Variants in ANK2 observed in about 807,000 individuals in gnomAD.
The protein encoded by ANK2 is ankyrin-2.
ANK2 carries 83 observed loss-of-function variants against 360.5 expected under a neutral mutation model. The observed-to-expected ratio is 0.23, with a 90% confidence interval of 0.19 to 0.28. The LOEUF (loss-of-function observed/expected upper bound fraction) is 0.28. Ranked by LOEUF, ANK2 falls within the 10% of genes least tolerant of loss-of-function variation. ANK2 has a pLI of 1.00. For missense variants in ANK2, 4,201 were observed against 4,795.7 expected (o/e 0.88, Z 3.66); for synonymous variants, 1,740 against 1,759.5 (o/e 0.99, Z 0.28).
At chr4:113,151,777 G>A (rs1480619465) in intron 1 of ANK2, among the ~76,000 whole-genome samples, 1 of 151,842 alleles carries the variant, frequency 6.6e-6, no homozygotes, top group Non-Finnish European at 1.5e-5. Flanking sequence ...GAAATTTGGT[G>A]AAGGTAGGCT....
chr4:113,308,568 A>G (rs1229169944), intron 23 of ANK2, among the ~76,000 whole-genome samples: 1 of 152,218 alleles, frequency 6.6e-6, no homozygotes, highest in East Asian at 1.9e-4. Context: ...TCAAAAATAT[A>G]GGGGGAAGAC....
At chr4:112,785,746 G>A in the ANK2 span, among the ~76,000 whole-genome samples, 12 of 151,922 alleles carry the variant, frequency 7.9e-5, no homozygotes, top group South Asian at 8.3e-4. Flanking sequence ...ATAGCTCACC[G>A]TAACCTTGAA....
At chr4:113,322,779 G>T (rs1181802924) in intron 26 of ANK2, among the ~76,000 whole-genome samples, 1 of 152,074 alleles carries the variant, frequency 6.6e-6, no homozygotes, top group African/African-American at 2.4e-5. Flanking sequence ...TCATCTTGAA[G>T]GTATTCTCTC....
At chr4:112,986,971 G>A (rs975829680) in intron 2 of ANK2, among the ~76,000 whole-genome samples, 10 of 152,002 alleles carry the variant, frequency 6.6e-5, no homozygotes, top group Non-Finnish European at 1.3e-4. Context: ...GCTTCCCTAG[G>A]CCACATTGGA....
chr4:113,076,659 G>A (rs2080142295), intron 1 of ANK2, among the ~76,000 whole-genome samples: 1 of 152,034 alleles, frequency 6.6e-6, no homozygotes, highest in Admixed American at 6.6e-5. Context: ...AGCCAAGCCT[G>A]GTGGTGCATA....
At chr4:112,826,538 C>T in intron 1 of ANK2, 2 of 1,404,026 alleles carry the variant, frequency 1.4e-6, no homozygotes, top group Non-Finnish European at 2.0e-6. Flanking sequence ...CAATGCAAAT[C>T]AAACTTGCCC....
intron 26 of ANK2, among the ~76,000 whole-genome samples, chr4:113,327,898 A>C (rs1170887535): frequency 1.3e-5 from 2 of 152,210 alleles, no homozygotes; most frequent in Non-Finnish European, 2.9e-5. Context: ...GTGAGAACAA[A>C]AAGAGAGTTT....
intron 1 of ANK2, among the ~76,000 whole-genome samples, chr4:113,093,111 T>G (rs1363521182): frequency 2.0e-5 from 3 of 152,196 alleles, no homozygotes; most frequent in Admixed American, 1.3e-4. Context: ...AGTGCAGTTA[T>G]ATAGATTTAT....
chr4:113,174,121 C>T (rs2153224806), intron 1 of ANK2: 1 of 342,492 alleles, frequency 2.9e-6, no homozygotes, highest in African/African-American at 2.1e-5. Context: ...CTAGCATCAA[C>T]ACGTCTTCAA....
chr4:113,094,047 C>G (rs532265605), intron 1 of ANK2, among the ~76,000 whole-genome samples: 8 of 152,144 alleles, frequency 5.3e-5, no homozygotes, highest in Non-Finnish European at 1.2e-4. Flanking sequence ...ACTTCTTGGA[C>G]CTTCCTTAAT....
At chr4:112,810,198 C>A in the ANK2 span, among the ~76,000 whole-genome samples, 2 of 119,794 alleles carry the variant, frequency 1.7e-5, no homozygotes, top group African/African-American at 3.0e-5. Context: ...AATGGGGTTT[C>A]ACCATGTTGG....
At chr4:112,946,109 C>A (rs1393764951) in intron 2 of ANK2, among the ~76,000 whole-genome samples, 1 of 152,132 alleles carries the variant, frequency 6.6e-6, no homozygotes, top group Non-Finnish European at 1.5e-5. Context: ...GGCTCAGGTT[C>A]CAGAAACTCA....
chr4:113,224,662 GAGT>G (rs1237293498), intron 4 of ANK2, among the ~76,000 whole-genome samples: 1 of 152,138 alleles, frequency 6.6e-6, no homozygotes, highest in Non-Finnish European at 1.5e-5. Flanking sequence ...CAAATAAAAT[GAGT>G]AGTTTACACA....
At chr4:112,873,269 C>T (rs1252450060) in intron 1 of ANK2, among the ~76,000 whole-genome samples, 1 of 151,576 alleles carries the variant, frequency 6.6e-6, no homozygotes, top group East Asian at 1.9e-4. Flanking sequence ...TTAGGTCGCT[C>T]TCCTTTTTCT....
In ANK2 at chr4:112,826,629, G is replaced by A; in HGVS notation, c.-40+8365G>A. The A allele has an allele frequency of 2.4e-6, 3 of 1,232,834 alleles. No individual in the cohort carries two copies. In the Admixed American group the frequency reaches 6.7e-5, roughly 28 times the overall value. 76.4% of individuals were successfully genotyped at this position (1,232,834 alleles called of 1,614,324 possible). ...GCAACTAGTAGTTCAGCAGGCTTCA[G>A]GAGGCAGTGAAAAACGGGTGACCAC... is the stretch of plus-strand genomic sequence containing the variant. On this transcript the variant is annotated intron_variant, in intron 1 of 30. Coordinates refer to the ANK2 transcript ENST00000503271.
At chr4:113,234,647 T>A (rs2099356936) in intron 5 of ANK2, among the ~76,000 whole-genome samples, 2 of 152,198 alleles carry the variant, frequency 1.3e-5, no homozygotes, top group African/African-American at 4.8e-5. Flanking sequence ...TGTGTCAATA[T>A]GCCTAAAGAA....
At chr4:112,848,234 C>T (rs553036611) in intron 1 of ANK2, among the ~76,000 whole-genome samples, 2 of 152,154 alleles carry the variant, frequency 1.3e-5, no homozygotes, top group Admixed American at 1.3e-4. Context: ...AAGCGATTCA[C>T]CTGTAGCTTC....
intron 1 of ANK2, among the ~76,000 whole-genome samples, chr4:113,086,719 G>C (rs2084988340): frequency 6.6e-6 from 1 of 152,190 alleles, no homozygotes; most frequent in South Asian, 2.1e-4. Context: ...TTCAAACTTG[G>C]GGAGTTAGGG....
rs2070714350 is a variant in ANK2, at chr4:112,866,730, G to A, written c.-39-37725G>A. Among the ~76,000 whole-genome samples, 4 of 152,086 alleles carry A rather than the reference G, an allele frequency of 2.6e-5. No homozygotes were observed. The South Asian group carries it at 8.3e-4, about 32-fold the overall frequency. On this transcript the variant is annotated intron_variant, in intron 1 of 30. Coordinates refer to the ANK2 transcript ENST00000503271. The stretch of plus-strand genomic sequence containing the variant: ...TAGTATTTTGCAATGCTACTGATGT[G>A]AATTTTAAATTTTTTCTTAGAAGTG...
Sources: allele counts gnomAD v4.1 joint callset (sites outside exome capture counted in the v4.1 genomes callset), GRCh38; gene constraint gnomAD v4.1.1; transcripts MANE v1.5; gene names NCBI Gene and HGNC (gene_info 2026-07-23, HGNC 2026-07-21).